SPOCK1: variants seen among roughly 807,000 people sequenced by gnomAD.
SPOCK1 encodes testican-1.
SPOCK1 carries 23 observed loss-of-function variants against 55.3 expected under a neutral mutation model. That is an observed-to-expected ratio of 0.42 (90% confidence interval 0.30 to 0.59). The LOEUF is 0.59. Among genes scored for constraint, SPOCK1 ranks in the 20% least tolerant of loss-of-function variants. The pLI, the probability that SPOCK1 is intolerant of heterozygous loss-of-function variation, is 0.22. For missense variants in SPOCK1, 499 were observed against 552.5 expected, an observed-to-expected ratio of 0.90 and a Z score of 0.97; for synonymous variants, 226 against 221.0, an observed-to-expected ratio of 1.02 and a Z score of -0.20.
intron 5 of SPOCK1, among the ~76,000 whole-genome samples, chr5:137,086,376 C>T (rs549178467): frequency 9.1e-4 from 139 of 152,272 alleles, no homozygotes; most frequent in African/African-American, 3.0e-3. Flanking sequence ...GGGAAGACAC[C>T]GCACCCAGGC....
intron 2 of SPOCK1, among the ~76,000 whole-genome samples, chr5:137,448,686 T>A (rs950934046): frequency 3.3e-5 from 5 of 152,184 alleles, no homozygotes; most frequent in African/African-American, 4.8e-5. Flanking sequence ...TCAAAGACAT[T>A]TTTCCCCATC....
At chr5:137,487,441 C>T (rs922715082) in intron 2 of SPOCK1, among the ~76,000 whole-genome samples, 1 of 152,140 alleles carries the variant, frequency 6.6e-6, no homozygotes, top group Non-Finnish European at 1.5e-5. Context: ...CTCAGACTCC[C>T]TCTGTGGTTC....
rs11479277 is a variant in SPOCK1, at chr5:137,039,270, C to CTTTTTTTTTTT, written c.589+28434_589+28444dup. Among the ~76,000 whole-genome samples the CTTTTTTTTTTT allele has an allele frequency of 4.4e-4, 39 of 88,940 alleles. 5 individuals are homozygous for CTTTTTTTTTTT. The highest frequency in any genetic ancestry group is 6.7e-4 in the African/African-American group (18 of 26,980). 58.3% of individuals were successfully genotyped at this position (88,940 alleles called of 152,430 possible). On this transcript the variant is annotated intron_variant, in intron 6 of 10. Coordinates refer to ENST00000394945, the MANE Select transcript of SPOCK1 (RefSeq NM_004598.4). Reference sequence around the variant, plus strand: ...TCACTCTGCCTTTCTGCCTGCCACACTTTTTTTTTTTTTTTTTTTTTTTTT... The same window carrying CTTTTTTTTTTT: ...TCACTCTGCCTTTCTGCCTGCCACACTTTTTTTTTTTTTTTTTTTTTTTTTTTTTTTTTTTT...
At chr5:137,143,490 C>A (rs1313884191) in intron 3 of SPOCK1, among the ~76,000 whole-genome samples, 1 of 152,100 alleles carries the variant, frequency 6.6e-6, no homozygotes, top group Non-Finnish European at 1.5e-5. Context: ...TGGGACTGAA[C>A]CCTGCCTCTG....
At chr5:137,089,209 A>G (rs570165777) in intron 5 of SPOCK1, among the ~76,000 whole-genome samples, 1 of 152,120 alleles carries the variant, frequency 6.6e-6, no homozygotes, top group African/African-American at 2.4e-5. Context: ...TGAGTGTCAA[A>G]GTCTTTGACA....
chr5:137,018,546 A>G (rs1031707411), intron 6 of SPOCK1, among the ~76,000 whole-genome samples: 1 of 152,210 alleles, frequency 6.6e-6, no homozygotes, highest in Admixed American at 6.5e-5. Context: ...TACTGATACG[A>G]AAGTATGGAT....
chr5:137,230,056 A>G (rs1423593820), intron 3 of SPOCK1, among the ~76,000 whole-genome samples: 2 of 152,186 alleles, frequency 1.3e-5, no homozygotes, highest in African/African-American at 4.8e-5. Context: ...CTCTTAACAA[A>G]AGGGGCCAGT....
At chr5:137,083,711 A>C (rs1752912941) in intron 5 of SPOCK1, among the ~76,000 whole-genome samples, 1 of 152,138 alleles carries the variant, frequency 6.6e-6, no homozygotes, top group African/African-American at 2.4e-5. Flanking sequence ...CCGAAAACTG[A>C]ATACTTGCTA....
At chr5:137,003,480 T>C (rs117858136) in intron 6 of SPOCK1, among the ~76,000 whole-genome samples, 1 of 152,334 alleles carries the variant, frequency 6.6e-6, no homozygotes, top group East Asian at 1.9e-4. Flanking sequence ...TATTACATAA[T>C]ATATATGCAT....
At chr5:137,446,326 T>C (rs773917032) in intron 2 of SPOCK1, among the ~76,000 whole-genome samples, 14 of 152,188 alleles carry the variant, frequency 9.2e-5, no homozygotes, top group Non-Finnish European at 2.1e-4. Flanking sequence ...AACTAATCAA[T>C]GCAGCTGCAG....
intron 6 of SPOCK1, among the ~76,000 whole-genome samples, chr5:137,057,971 C>T (rs887416381): frequency 5.3e-5 from 8 of 152,140 alleles, no homozygotes; most frequent in African/African-American, 1.9e-4. Context: ...TGATAAACTT[C>T]AGAGAGCTAA....
chr5:137,371,138 C>T (rs1055764885), intron 2 of SPOCK1, among the ~76,000 whole-genome samples: 2 of 152,202 alleles, frequency 1.3e-5, no homozygotes, highest in African/African-American at 2.4e-5. Flanking sequence ...CATAAGGTTT[C>T]CTGATTAAAA....
intron 6 of SPOCK1, among the ~76,000 whole-genome samples, chr5:137,063,417 A>AAC (rs1752435035): frequency 6.6e-6 from 1 of 152,014 alleles, no homozygotes; most frequent in African/African-American, 2.4e-5. Flanking sequence ...AAAAAAAAAA[A>AAC]AACAGATGAA....
chr5:137,128,960 C>T (rs891854833), intron 4 of SPOCK1, among the ~76,000 whole-genome samples: 1 of 152,198 alleles, frequency 6.6e-6, no homozygotes, highest in African/African-American at 2.4e-5. Context: ...GCACACAGAA[C>T]CCTCTAGATT....
At position 137,236,037 on chromosome 5, in the gene SPOCK1, C is replaced by T. The variant is rs141695302; in HGVS notation, c.232+30973G>A. On this transcript the variant is annotated intron_variant, in intron 3 of 10. Coordinates refer to ENST00000394945, the MANE Select transcript of SPOCK1 (RefSeq NM_004598.4). Reference sequence around the variant, plus strand: ...TGATCTGACTGCGTCCCTCCCAGGGCGGTGGGGCTTCTGTAGGGCTTAGAA... The same window carrying T: ...TGATCTGACTGCGTCCCTCCCAGGGTGGTGGGGCTTCTGTAGGGCTTAGAA... Among the ~76,000 whole-genome samples, 1,315 of 152,320 alleles carry T rather than the reference C, an allele frequency of 8.6e-3. 18 individuals are homozygous for T. The highest frequency in any genetic ancestry group is 0.029 in the African/African-American group (1,208 of 41,568).
intron 2 of SPOCK1, among the ~76,000 whole-genome samples, chr5:137,335,964 TAC>T (rs903646343): frequency 2.6e-5 from 4 of 152,354 alleles, no homozygotes; most frequent in African/African-American, 7.2e-5. Flanking sequence ...TTTCTTGGAA[TAC>T]ACAGTCTTAC....
intron 2 of SPOCK1, among the ~76,000 whole-genome samples, chr5:137,490,321 T>G (rs2071555583): frequency 6.6e-6 from 1 of 152,114 alleles, no homozygotes; most frequent in African/African-American, 2.4e-5. Context: ...TCTCCTTTGG[T>G]TCTAAAGCCA....
At chr5:137,449,886 C>CAAA (rs562723108) in intron 2 of SPOCK1, among the ~76,000 whole-genome samples, 12 of 52,896 alleles carry the variant, frequency 2.3e-4, no homozygotes, top group African/African-American at 7.9e-4. Context: ...GATGCTGTCT[C>CAAA]AAAAAAAAAA....
intron 3 of SPOCK1, among the ~76,000 whole-genome samples, chr5:137,233,713 C>CTTTTTTTTTTTTTTTTTTTTTTTTTTTTT (rs56328555): frequency 2.7e-4 from 16 of 58,412 alleles, no homozygotes; most frequent in Admixed American, 9.4e-4. Flanking sequence ...AGGATATGCA[C>CTTTTTTTTTTTTTTTTTTTTTTTTTTTTT]TTTTTTTTTT....
Sources: allele counts gnomAD v4.1 joint callset (sites outside exome capture counted in the v4.1 genomes callset), GRCh38; gene constraint gnomAD v4.1.1; transcripts MANE v1.5; gene names NCBI Gene and HGNC (gene_info 2026-07-23, HGNC 2026-07-21).